The following SLC1A2 variants were observed in gnomAD, a reference collection of about 807,000 sequenced individuals.
SLC1A2 encodes the protein solute carrier family 1 member 2, also known as excitatory amino acid transporter 2.
SLC1A2 carries 15 observed loss-of-function variants against 48.8 expected under a neutral mutation model. The ratio of observed to expected loss-of-function variants is 0.31; its 90% CI spans 0.21 to 0.47. SLC1A2 has a LOEUF of 0.47. Ranked by LOEUF, SLC1A2 falls within the 20% of genes least tolerant of loss-of-function variation. SLC1A2 has a pLI of 0.99. For synonymous variants in SLC1A2, 279 were observed against 272.6 expected (o/e 1.02, Z -0.23); for missense variants, 502 against 730.5 (o/e 0.69, Z 3.61).
In SLC1A2 at chr11:35,258,004, G is replaced by A. The variant is rs571394553; in HGVS notation, c.*2890C>T. ...GTTAAATGTATTCTATTTAGATAAA[G>A]GTTATTAGAGGTATACCCTGGATCC... On this transcript the variant is annotated 3_prime_UTR_variant, in exon 11 of 11. Coordinates refer to ENST00000278379, the MANE Select transcript of SLC1A2 (RefSeq NM_004171.4). The A allele has an allele frequency of 6.6e-6, 1 of 152,314 alleles. No homozygotes were observed. Among genetic ancestry groups the A allele is most frequent in the African/African-American group, 2.4e-5 (1 of 41,580 alleles). 9.4% of individuals were successfully genotyped at this position (152,314 alleles called of 1,614,324 possible). A position where few individuals can be genotyped will look rare whatever the true frequency, so the allele number is the denominator to read the frequency against.
intron 8 of SLC1A2, among the ~76,000 whole-genome samples, chr11:35,284,020 T>C (rs2134701756): frequency 6.7e-6 from 1 of 148,986 alleles, no homozygotes; most frequent in African/African-American, 2.5e-5. Flanking sequence ...ATTGTTCCCA[T>C]TACGCAGATG....
At chr11:35,320,560 G>GTACAT (rs1446779632) in intron 1 of SLC1A2, among the ~76,000 whole-genome samples, 1 of 152,232 alleles carries the variant, frequency 6.6e-6, no homozygotes, top group African/African-American at 2.4e-5. Context: ...TTCTCCACCA[G>GTACAT]TCTATGAGCC....
chr11:35,333,593 G>C (rs1048647920), intron 1 of SLC1A2, among the ~76,000 whole-genome samples: 6 of 152,102 alleles, frequency 3.9e-5, no homozygotes, highest in Non-Finnish European at 8.8e-5. Context: ...TAATGACGAA[G>C]AGTTGGAAAT....
In SLC1A2 at chr11:35,315,186, G is replaced by A; in HGVS notation, c.158-11C>T. On this transcript the variant is annotated splice_polypyrimidine_tract_variant and intron_variant, in intron 2 of 10. Coordinates refer to ENST00000278379, the MANE Select transcript of SLC1A2 (RefSeq NM_004171.4). ...CTCCCAGGATGACACCTAAAAGGAAGGGGAAAACAATATGAATTTATTTTT... is the reference window on the plus strand; with the variant it reads ...CTCCCAGGATGACACCTAAAAGGAAAGGGAAAACAATATGAATTTATTTTT... The A allele has an allele frequency of 1.2e-6, 2 of 1,611,224 alleles. No individual in the cohort carries two copies. The highest frequency in any genetic ancestry group is 1.7e-5 in the Admixed American group (1 of 59,872).
chr11:35,360,614 G>C (rs918254560), intron 1 of SLC1A2, among the ~76,000 whole-genome samples: 1 of 152,186 alleles, frequency 6.6e-6, no homozygotes, highest in African/African-American at 2.4e-5. Context: ...GCCCAGAGAT[G>C]CCCCAGCTTC....
chr11:35,345,176 C>T (rs1565262416), intron 1 of SLC1A2, among the ~76,000 whole-genome samples: 1 of 152,188 alleles, frequency 6.6e-6, no homozygotes, highest in Admixed American at 6.5e-5. Flanking sequence ...ACATATGCCG[C>T]CAAAGGACTC....
intron 3 of SLC1A2, 59 bp from the exon 4 acceptor site, chr11:35,312,507 G>A (rs1851739493): frequency 5.1e-6 from 8 of 1,571,974 alleles, no homozygotes; most frequent in Middle Eastern, 3.5e-4. Context: ...AATGACCTGT[G>A]TCTACATTTC....
intron 1 of SLC1A2, among the ~76,000 whole-genome samples, chr11:35,342,206 T>G (rs1852863202): frequency 6.6e-6 from 1 of 152,236 alleles, no homozygotes; most frequent in African/African-American, 2.4e-5. Flanking sequence ...GCTGTACAAT[T>G]AAAACTACTT....
At chr11:35,412,915 C>A (rs149510229) in intron 1 of SLC1A2, among the ~76,000 whole-genome samples, 14 of 152,236 alleles carry the variant, frequency 9.2e-5, no homozygotes, top group Admixed American at 8.5e-4. Context: ...CCAATAATTA[C>A]AAAAGACCTC....
chr11:35,296,411 C>T (rs1213570811), intron 6 of SLC1A2, among the ~76,000 whole-genome samples: 1 of 152,190 alleles, frequency 6.6e-6, no homozygotes, highest in Non-Finnish European at 1.5e-5. Context: ...ATAGGAGTTC[C>T]AGCTACCCAA....
intron 9 of SLC1A2, among the ~76,000 whole-genome samples, chr11:35,276,028 T>C (rs1850429342): frequency 6.6e-6 from 1 of 152,182 alleles, no homozygotes; most frequent in South Asian, 2.1e-4. Flanking sequence ...TTTCCCAGGA[T>C]CCTCTACCCT....
At chr11:35,281,463 T>A (rs1371351517) in intron 8 of SLC1A2, among the ~76,000 whole-genome samples, 2 of 152,200 alleles carry the variant, frequency 1.3e-5, no homozygotes, top group Non-Finnish European at 2.9e-5. Context: ...ATTGCCAAGG[T>A]TAACATGAGA....
At chr11:35,409,752 T>C (rs972703263) in intron 1 of SLC1A2, among the ~76,000 whole-genome samples, 4 of 151,944 alleles carry the variant, frequency 2.6e-5, no homozygotes, top group African/African-American at 9.7e-5. Flanking sequence ...CTACTAAAAA[T>C]ACAAAAATTA....
At chr11:35,382,081 G>C (rs1479993844) in intron 1 of SLC1A2, among the ~76,000 whole-genome samples, 2 of 152,180 alleles carry the variant, frequency 1.3e-5, no homozygotes, top group Non-Finnish European at 2.9e-5. Flanking sequence ...AGATACTGAG[G>C]CTTAGAAAAA....
intron 1 of SLC1A2, among the ~76,000 whole-genome samples, chr11:35,346,660 T>A (rs995667002): frequency 2.6e-5 from 4 of 152,264 alleles, no homozygotes; most frequent in African/African-American, 9.6e-5. Context: ...AATAACTGTT[T>A]GTTGAGTGAC....
Position 35,265,556 on chromosome 11 carries a change from G to A in SLC1A2, c.1624C>T (p.His542Tyr). ...CATTCATCTACTATGACAGAGTTGT[G>A]TGCAGCATAGACACATTGATTAGAG... ...SNSNQCVYAA[H>Y]NSVIVDECKV... The change falls in exon 10 of 11, where the codon CAC becomes TAC. Residue 542 changes from histidine to tyrosine, a missense_variant. By Grantham distance (83) the His-to-Tyr change is moderately conservative. Coordinates refer to ENST00000278379, the MANE Select transcript of SLC1A2 (RefSeq NM_004171.4). 6.2e-7 allele frequency: 1 copy of A among 1,600,082 alleles called. No individual in the cohort carries two copies. The highest frequency in any genetic ancestry group is 1.1e-5 in the South Asian group (1 of 90,816).
intron 2 of SLC1A2, 61 bp from the exon 3 acceptor site, chr11:35,315,236 A>T: frequency 7.8e-7 from 1 of 1,279,588 alleles, no homozygotes; most frequent in Non-Finnish European, 1.1e-6. Flanking sequence ...GACTTACTCT[A>T]GACACTTATT....
At chr11:35,360,028 TC>T in intron 1 of SLC1A2, 1 of 964,494 alleles carries the variant, frequency 1.0e-6, no homozygotes, top group Non-Finnish European at 1.2e-6. Context: ...CCTTAACCCA[TC>T]CAAGATTTCT....
At chr11:35,360,230 C>T (rs1242256803) in intron 1 of SLC1A2, 1 of 205,958 alleles carries the variant, frequency 4.9e-6, no homozygotes, top group East Asian at 1.8e-4. Context: ...GTTCGAGAGC[C>T]CAAGGTCACT....
Sources: gnomAD v4.1 joint callset for allele counts (sites outside exome capture counted in the v4.1 genomes callset) on GRCh38, gnomAD v4.1.1 for gene constraint, MANE v1.5 for transcripts, NCBI Gene and HGNC (gene_info 2026-07-23, HGNC 2026-07-21) for gene names.